UMODL1: variants seen among roughly 807,000 people sequenced by gnomAD.
The protein encoded by UMODL1 is uromodulin like 1, also known as uromodulin-like 1.
UMODL1 carries 128 observed loss-of-function variants against 136.3 expected under a neutral mutation model. The ratio of observed to expected loss-of-function variants is 0.94; its 90% CI spans 0.81 to 1.09. UMODL1 has a LOEUF of 1.09. UMODL1 is among the 50% of genes least tolerant of loss of function. UMODL1 has a pLI of 0.00. For synonymous variants in UMODL1, 721 were observed against 720.0 expected (o/e 1.00, Z -0.02); for missense variants, 1,766 against 1,725.6 (o/e 1.02, Z -0.41).
intron 13 of UMODL1, 52 bp from the exon 14 acceptor site, chr21:42,115,821 C>G: frequency 3.7e-6 from 5 of 1,367,368 alleles, no homozygotes; most frequent in Non-Finnish European, 5.2e-6. Context: ...AAATGTTAGT[C>G]TGTTATCTAA....
intron 2 of UMODL1, among the ~76,000 whole-genome samples, chr21:42,081,322 G>A (rs2066359356): frequency 6.6e-6 from 1 of 152,232 alleles, no homozygotes; most frequent in African/African-American, 2.4e-5. Context: ...GGAGCCTTGG[G>A]TTTTGTTGCT....
chr21:42,084,302 C>G (rs1569144921), intron 3 of UMODL1, 57 bp downstream of exon 3: 8 of 1,580,748 alleles, frequency 5.1e-6, no homozygotes, highest in Non-Finnish European at 6.0e-6. Flanking sequence ...CTCGGTGAGG[C>G]CTGATCTGTG....
chr21:42,117,585 G>T (rs2146518572), intron 14 of UMODL1, among the ~76,000 whole-genome samples: 2 of 152,266 alleles, frequency 1.3e-5, no homozygotes, highest in Middle Eastern at 3.4e-3. Flanking sequence ...TCCTGAGTCT[G>T]AGCTCAGCAC....
At chr21:42,068,236 A>G (rs1259458913), upstream of UMODL1, among the ~76,000 whole-genome samples, 1 of 152,218 alleles carries the variant, frequency 6.6e-6, no homozygotes, top group Non-Finnish European at 1.5e-5. The surrounding 1 kb of genome is among the most constrained non-coding windows in gnomAD (Gnocchi z 5.5). Flanking sequence ...TCAGGAGGAC[A>G]CGGTCCCGTC....
chr21:42,103,735 G>A (rs1329885429), intron 8 of UMODL1, 133 bp from the exon 9 acceptor site: 13 of 1,047,182 alleles, frequency 1.2e-5, no homozygotes, highest in South Asian at 6.7e-5. Flanking sequence ...CTGAGAGGTC[G>A]GTCGTCAGGT....
At chr21:42,141,537 T>C (rs1192490154) in intron 22 of UMODL1, among the ~76,000 whole-genome samples, 1 of 152,240 alleles carries the variant, frequency 6.6e-6, no homozygotes, top group Non-Finnish European at 1.5e-5. Context: ...ATCTGGTGTA[T>C]TGGTGCTGGG....
rs1476721323 is a variant in UMODL1, at chr21:42,123,030, G to A, written c.3027G>A (p.Gln1009=). The A allele has an allele frequency of 2.5e-6, 4 of 1,614,016 alleles. No individual in the cohort carries two copies. The change falls in exon 17 of 23, where the codon CAG becomes CAA. Residue 1009 remains glutamine, a synonymous_variant. Coordinates refer to ENST00000408910, the MANE Select transcript of UMODL1 (RefSeq NM_001004416.3). The surrounding 1 kb of genome is among the most constrained non-coding windows in gnomAD (Gnocchi z 4.4). ...VVAIQKRFLQ[Q]ESIPESSLYL... ...CCATCCAGAAGCGCTTCCTGCAGCA[G>A]GAATCCATCCCCGAGTCCTCGTTGT...
intron 13 of UMODL1, among the ~76,000 whole-genome samples, chr21:42,114,363 A>T: frequency 6.6e-6 from 1 of 152,382 alleles, no homozygotes. Flanking sequence ...ACATATTTGG[A>T]TGAAATTCCT....
In UMODL1 at chr21:42,123,098, C is replaced by T; in HGVS notation, c.3095C>T (p.Thr1032Ile). ...PSCNVSHSNGTHVLLEAGWSE... is the reference protein window; with the variant it reads ...PSCNVSHSNGIHVLLEAGWSE... ...TGCAACGTGAGCCACAGCAATGGCA[C>T]ACACGTGCTCCTGGAGGCCGGCTGG... The change falls in exon 17 of 23, where the codon ACA becomes ATA. Residue 1032 changes from threonine to isoleucine, a missense_variant. Thr to Ile is a moderately conservative substitution (Grantham distance 89). Transcript: ENST00000408910. The surrounding 1 kb of genome is among the most constrained non-coding windows in gnomAD (Gnocchi z 4.4). 1 of 1,614,124 alleles carries T rather than the reference C, an allele frequency of 6.2e-7. No homozygotes were observed. Among genetic ancestry groups the T allele is most frequent in the South Asian group, 1.1e-5 (1 of 91,084 alleles).
At position 42,099,305 on chromosome 21, in the gene UMODL1, C is replaced by A. The variant is rs987231885; in HGVS notation, c.1186+125C>A. Reference sequence around the variant, plus strand: ...GCACCAGAAGTCACTGACCGCCCTGCACTTCCTCCCTCCCCTCCCAGTCAT... The same window carrying A: ...GCACCAGAAGTCACTGACCGCCCTGAACTTCCTCCCTCCCCTCCCAGTCAT... On this transcript the variant is annotated intron_variant, in intron 7 of 22. Transcript: ENST00000408910. The surrounding 1 kb of genome is among the most constrained non-coding windows in gnomAD (Gnocchi z 4.1). The A allele has an allele frequency of 2.2e-6, 3 of 1,349,938 alleles. No individual in the cohort carries two copies. The highest frequency in any genetic ancestry group is 5.0e-5 in the East Asian group (2 of 39,964). The allele number at this position is 1,349,938 out of a possible 1,614,324, so 83.6% of individuals were successfully genotyped here.
intron 16 of UMODL1, 87 bp downstream of exon 16, chr21:42,121,311 C>A: frequency 6.7e-7 from 1 of 1,482,904 alleles, no homozygotes; most frequent in Non-Finnish European, 9.1e-7. Context: ...GCTTCTTGTC[C>A]CTCTGAGGTC....
chr21:42,071,368 C>G lies in UMODL1; in HGVS notation c.52C>G (p.Pro18Ala). The G allele has an allele frequency of 6.3e-7, 1 of 1,594,648 alleles. No homozygotes were observed. Among genetic ancestry groups the G allele is most frequent in the Non-Finnish European group, 8.5e-7 (1 of 1,171,010 alleles). Residue 18 changes from proline (P) to alanine (A), a missense_variant, in exon 1 of 23, where the codon CCA (proline) becomes GCA (alanine). Pro to Ala is a conservative substitution (Grantham distance 27). Coordinates refer to ENST00000408910, the MANE Select transcript of UMODL1 (RefSeq NM_001004416.3). ...ALLALVSAVG[P>A]SQASGFTEKG... ...GCTGGCTCTGGTCAGTGCTGTGGGC[C>G]CAAGCCAGGCCAGCGGCTTCACAGG...
intron 2 of UMODL1, among the ~76,000 whole-genome samples, chr21:42,077,415 G>T (rs927328189): frequency 6.6e-6 from 1 of 152,082 alleles, no homozygotes; most frequent in Non-Finnish European, 1.5e-5. Flanking sequence ...GAAGGGGCTA[G>T]ATTTTCTTTT....
rs2146441336 is a variant in UMODL1, at chr21:42,085,497, T to C, written c.603+85T>C. The C allele has an allele frequency of 6.3e-7, 1 of 1,593,064 alleles. No individual in the cohort carries two copies. The highest frequency in any genetic ancestry group is 1.1e-5 in the South Asian group (1 of 89,590). ...CAGGTATGGGGCCGTGGAAGGGACCTGGGGGTTGGGGAGGGTGATGTTCCC... is the reference window on the plus strand; with the variant it reads ...CAGGTATGGGGCCGTGGAAGGGACCCGGGGGTTGGGGAGGGTGATGTTCCC... On this transcript the variant is annotated intron_variant, in intron 4 of 22. Coordinates refer to ENST00000408910, the MANE Select transcript of UMODL1 (RefSeq NM_001004416.3). This position sits in a 1 kb window ranked among gnomAD's most constrained non-coding sequence, Gnocchi z 4.5.
At chr21:42,084,653 G>A (rs1160942557) in intron 3 of UMODL1, among the ~76,000 whole-genome samples, 1 of 152,014 alleles carries the variant, frequency 6.6e-6, no homozygotes, top group African/African-American at 2.4e-5. Context: ...TGCGCCTGCT[G>A]GTCTGGAAAG....
At chr21:42,086,949 G>A (rs970849308) in intron 4 of UMODL1, among the ~76,000 whole-genome samples, 1 of 145,142 alleles carries the variant, frequency 6.9e-6, no homozygotes, top group Non-Finnish European at 1.5e-5. Context: ...CTGGGCTACA[G>A]AGCGAGACTC....
chr21:42,127,731 A>G lies in UMODL1; in HGVS notation c.3590A>G (p.Gln1197Arg). Residue 1197 changes from glutamine to arginine, a missense_variant, in exon 20 of 23, where the codon CAG becomes CGG. Transcript: ENST00000408910. ...GAGAACGGCAACTCCAATAAGGCCC[A>G]GTTCAAGCTGAGGATCTTTTCCTTT... Reference protein sequence around the residue: ...VIENGNSNKAQFKLRIFSFIN... With the variant: ...VIENGNSNKARFKLRIFSFIN... 6.2e-7 allele frequency: 1 copy of G among 1,614,222 alleles called. No individual in the cohort carries two copies. The highest frequency in any genetic ancestry group is 8.5e-7 in the Non-Finnish European group (1 of 1,180,036).
rs1434801130 is a variant in UMODL1 at position 42,123,095 on chromosome 21, G to T, written c.3092G>T (p.Gly1031Val). Residue 1031 changes from glycine (G) to valine (V), a missense_variant, in exon 17 of 23, where the codon GGC becomes GTC. Coordinates refer to ENST00000408910, the MANE Select transcript of UMODL1 (RefSeq NM_001004416.3). The surrounding 1 kb of genome is among the most constrained non-coding windows in gnomAD (Gnocchi z 4.4). ...TCCTGCAACGTGAGCCACAGCAATG[G>T]CACACACGTGCTCCTGGAGGCCGGC... ...HPSCNVSHSN[G>V]THVLLEAGWS... 1 of 1,614,072 alleles carries T rather than the reference G, an allele frequency of 6.2e-7. No homozygotes were observed. Among genetic ancestry groups the T allele is most frequent in the Admixed American group, 1.7e-5 (1 of 60,018 alleles).
chr21:42,094,747 C>T (rs980431455), intron 6 of UMODL1, among the ~76,000 whole-genome samples: 8 of 152,116 alleles, frequency 5.3e-5, no homozygotes, highest in African/African-American at 1.2e-4. Flanking sequence ...GGCCTTAGCA[C>T]GTTAGAAGTT....
Sources: allele counts gnomAD v4.1 joint callset (sites outside exome capture counted in the v4.1 genomes callset), GRCh38; gene constraint gnomAD v4.1.1; non-coding constraint Gnocchi (gnomAD v3.1); transcripts MANE v1.5; gene names NCBI Gene and HGNC (gene_info 2026-07-23, HGNC 2026-07-21).